PDE11A: variants seen among roughly 807,000 people sequenced by gnomAD.
The protein encoded by PDE11A is phosphodiesterase 11A, also known as dual 3',5'-cyclic-AMP and -GMP phosphodiesterase 11A.
Under a neutral mutation model 100.5 loss-of-function variants are expected in PDE11A, and 100 were observed. The observed-to-expected ratio is 1.00, with a 90% CI of 0.85 to 1.18. The LOEUF is 1.18. Ranked by LOEUF, PDE11A falls within the 50% of genes most tolerant of loss-of-function variation. The pLI is 0.00. For missense variants in PDE11A, 1,141 were observed against 1,152.6 expected (o/e 0.99, Z 0.15); for synonymous variants, 381 against 420.8 (o/e 0.91, Z 1.16).
At chr2:177,992,831 G>C (rs774801668) in intron 2 of PDE11A, among the ~76,000 whole-genome samples, 5 of 152,092 alleles carry the variant, frequency 3.3e-5, no homozygotes, top group Non-Finnish European at 5.9e-5. Context: ...ATGTTGACTT[G>C]ATTCCAACAT....
intron 5 of PDE11A, among the ~76,000 whole-genome samples, chr2:177,860,886 C>T (rs946520210): frequency 2.0e-5 from 3 of 151,760 alleles, no homozygotes; most frequent in Non-Finnish European, 4.4e-5. Flanking sequence ...ATCCAACATG[C>T]TTTCATGCCA....
chr2:177,986,224 A>G (rs976980896), intron 2 of PDE11A, among the ~76,000 whole-genome samples: 1 of 152,202 alleles, frequency 6.6e-6, no homozygotes, highest in Non-Finnish European at 1.5e-5. Context: ...AGATCCTAAC[A>G]CCAGGCTAAT....
chr2:177,670,108 G>A (rs6757651), intron 17 of PDE11A, among the ~76,000 whole-genome samples: 7,333 of 152,230 alleles, frequency 0.048, 561 homozygotes, highest in African/African-American at 0.17. Context: ...GCTTCCTACT[G>A]TTGCAATCAA....
At chr2:177,684,319 G>A (rs1389017477) in intron 15 of PDE11A, among the ~76,000 whole-genome samples, 1 of 152,178 alleles carries the variant, frequency 6.6e-6, no homozygotes, top group East Asian at 1.9e-4. Flanking sequence ...AGAGTGATGT[G>A]AGAGAGGCAC....
chr2:177,904,936 C>T (rs2084757556), intron 3 of PDE11A, among the ~76,000 whole-genome samples, 162 bp downstream of exon 3: 1 of 152,136 alleles, frequency 6.6e-6, no homozygotes. Context: ...GGGCTTATTG[C>T]TTAAAGTGTA....
rs1436468494 is a variant in PDE11A, at chr2:177,629,090, G to A, written c.*317C>T. 2.4e-6 allele frequency: 1 copy of A among 414,356 alleles called. No homozygotes were observed. Among genetic ancestry groups the A allele is most frequent in the African/African-American group, 2.0e-5 (1 of 49,628 alleles). The allele number at this position is 414,356 out of a possible 1,614,324, so 25.7% of individuals were successfully genotyped here. Reference sequence around the variant, plus strand: ...TACTGTTCAGTGTTCCCTCAGCTCAGAGTAAGTAGGCCGACTGTCCACAGG... The same window carrying A: ...TACTGTTCAGTGTTCCCTCAGCTCAAAGTAAGTAGGCCGACTGTCCACAGG... On this transcript the variant is annotated 3_prime_UTR_variant, in exon 20 of 20. Transcript: ENST00000286063.
intron 12 of PDE11A, among the ~76,000 whole-genome samples, chr2:177,712,186 G>A (rs113234067): frequency 1.2e-4 from 18 of 152,220 alleles, no homozygotes; most frequent in African/African-American, 3.9e-4. Flanking sequence ...AAAGGCCCAG[G>A]GCAAAATGTG....
chr2:177,657,926 T>C (rs1385099821), intron 19 of PDE11A, among the ~76,000 whole-genome samples: 1 of 151,946 alleles, frequency 6.6e-6, no homozygotes, highest in African/African-American at 2.4e-5. Context: ...ACTGAGGAAA[T>C]GCCAAGAGAA....
intron 1 of PDE11A, among the ~76,000 whole-genome samples, chr2:178,034,554 C>T (rs2086587032): frequency 6.6e-6 from 1 of 152,176 alleles, no homozygotes; most frequent in African/African-American, 2.4e-5. Context: ...CTCTCCACCC[C>T]AAATCAACAG....
intron 4 of PDE11A, among the ~76,000 whole-genome samples, chr2:177,888,956 G>A (rs1173285934): frequency 1.3e-5 from 2 of 152,104 alleles, no homozygotes; most frequent in Non-Finnish European, 2.9e-5. Context: ...ATGCTCCACT[G>A]TTTTTAGCCT....
chr2:177,786,770 C>T (rs1172525512), intron 9 of PDE11A, among the ~76,000 whole-genome samples: 2 of 152,090 alleles, frequency 1.3e-5, no homozygotes, highest in East Asian at 3.8e-4. Flanking sequence ...ATGCGATCAA[C>T]TGGAAGAAAG....
chr2:178,104,463 T>A (rs768993205), exon 2 of PDE11A: 4 of 1,613,676 alleles, frequency 2.5e-6, no homozygotes, highest in East Asian at 4.5e-5. Context: ...TGCTTCAGCA[T>A]CTCCCATGTT....
intron 13 of PDE11A, among the ~76,000 whole-genome samples, chr2:177,708,189 C>G (rs1364802454): frequency 3.9e-5 from 6 of 151,926 alleles, no homozygotes; most frequent in African/African-American, 1.5e-4. Context: ...CATTGCAGCT[C>G]TATTCACAAT....
chr2:177,907,951 A>G (rs370072110), intron 2 of PDE11A, among the ~76,000 whole-genome samples: 2 of 152,182 alleles, frequency 1.3e-5, no homozygotes, highest in African/African-American at 2.4e-5. Context: ...CAGGAGTCTC[A>G]TGTCTTCTGT....
At chr2:177,950,784 G>A (rs769809422) in intron 2 of PDE11A, among the ~76,000 whole-genome samples, 19 of 152,172 alleles carry the variant, frequency 1.2e-4, no homozygotes, top group Non-Finnish European at 2.2e-4. Context: ...CATGGCAGGC[G>A]CCGATAGTCC....
intron 2 of PDE11A, among the ~76,000 whole-genome samples, chr2:178,094,572 G>C (rs1010789567): frequency 6.6e-6 from 1 of 152,066 alleles, no homozygotes; most frequent in African/African-American, 2.4e-5. Flanking sequence ...ATACACATCT[G>C]AAATTATGTA....
chr2:178,051,739 A>G (rs1358644917), intron 1 of PDE11A, among the ~76,000 whole-genome samples: 2 of 152,162 alleles, frequency 1.3e-5, no homozygotes, highest in Non-Finnish European at 2.9e-5. Context: ...CAGACTTTAA[A>G]CCAACAAAGA....
At chr2:177,711,290 C>A (rs1017690278) in intron 13 of PDE11A, among the ~76,000 whole-genome samples, 1 of 152,196 alleles carries the variant, frequency 6.6e-6, no homozygotes, top group Non-Finnish European at 1.5e-5. Flanking sequence ...AAACTATATT[C>A]CTTGAACGTG....
chr2:177,667,389 A>G (rs2080605291), intron 18 of PDE11A, among the ~76,000 whole-genome samples: 1 of 152,150 alleles, frequency 6.6e-6, no homozygotes, highest in Non-Finnish European at 1.5e-5. Flanking sequence ...TAGCCCTTAC[A>G]TTTAGGTGTA....
Sources: allele counts gnomAD v4.1 joint callset (sites outside exome capture counted in the v4.1 genomes callset), GRCh38; gene constraint gnomAD v4.1.1; transcripts MANE v1.5; gene names NCBI Gene and HGNC (gene_info 2026-07-23, HGNC 2026-07-21).